Variants in LRP2BP observed in about 807,000 individuals in gnomAD.
The protein encoded by LRP2BP is LRP2 binding protein.
Under a neutral mutation model 45.2 loss-of-function variants are expected in LRP2BP, and 38 were observed. That is an observed-to-expected ratio of 0.84 (90% CI 0.65 to 1.10). LRP2BP has a LOEUF of 1.10. LRP2BP is among the 50% of genes least tolerant of loss of function. The pLI is 0.00. For synonymous variants in LRP2BP, 153 were observed against 153.9 expected (o/e 0.99, Z 0.04); for missense variants, 385 against 418.9 (o/e 0.92, Z 0.71).
At chr4:185,377,824 C>T (rs1464385691) in intron 2 of LRP2BP, 2 of 355,768 alleles carry the variant, frequency 5.6e-6, no homozygotes, top group East Asian at 1.0e-4. Context: ...GTGACATCTG[C>T]TTTCTGTTTT....
intron 1 of LRP2BP, among the ~76,000 whole-genome samples, chr4:185,383,560 T>C (rs1194977285): frequency 6.6e-6 from 1 of 152,236 alleles, no homozygotes; most frequent in Non-Finnish European, 1.5e-5. Context: ...AGAAAACAGT[T>C]ACCACGGCAG....
At chr4:185,375,487 A>AAAAAAAAAAAT (rs1554018308) in intron 4 of LRP2BP, 126 bp downstream of exon 4, 1 of 12,016 alleles carries the variant, frequency 8.3e-5, no homozygotes, top group East Asian at 2.6e-3. Flanking sequence ...AAAAAAAAAA[A>AAAAAAAAAAAT]ATATATATAT....
intron 1 of LRP2BP, among the ~76,000 whole-genome samples, chr4:185,392,302 T>G (rs907992598): frequency 6.6e-6 from 1 of 152,244 alleles, no homozygotes; most frequent in African/African-American, 2.4e-5. Flanking sequence ...TGGACCCTTC[T>G]GATTACAGGC....
At chr4:185,387,361 A>G (rs941219526) in intron 1 of LRP2BP, among the ~76,000 whole-genome samples, 9 of 152,248 alleles carry the variant, frequency 5.9e-5, no homozygotes, top group African/African-American at 2.2e-4. Flanking sequence ...ATGCCACACA[A>G]TGTACAAATA....
rs1334520332 is a variant in LRP2BP, at chr4:185,395,439, T to C, written c.-682A>G. The C allele has an allele frequency of 2.6e-5, 26 of 985,358 alleles. No individual in the cohort carries two copies. The highest frequency in any genetic ancestry group is 3.1e-5 in the Non-Finnish European group (26 of 829,940). The allele number at this position is 985,358 out of a possible 1,614,324, so 61.0% of individuals were successfully genotyped here. A position where few individuals can be genotyped will look rare whatever the true frequency, so the allele number is the denominator to read the frequency against. ...CACGTGTTTTAAAAAGCAGTGCTTA[T>C]TGAATTGATAAACAAAAGCGAAACT... On this transcript the variant is annotated 5_prime_UTR_variant, in exon 1 of 9. Transcript: ENST00000505916.
chr4:185,381,643 A>G (rs1323177145), intron 1 of LRP2BP, among the ~76,000 whole-genome samples: 1 of 152,136 alleles, frequency 6.6e-6, no homozygotes, highest in Non-Finnish European at 1.5e-5. Flanking sequence ...CCTAGTAAAA[A>G]GTTTTTAGTT....
Position 185,373,021 on chromosome 4 carries a change from A to G in LRP2BP, c.638T>C (p.Leu213Pro). The change falls in exon 7 of 9, where the codon CTT becomes CCT. Residue 213 changes from leucine to proline, a missense_variant. By Grantham distance (98) the Leu-to-Pro change is moderately conservative. Coordinates refer to ENST00000505916, the MANE Select transcript of LRP2BP (RefSeq NM_001377440.1). The stretch of plus-strand genomic sequence containing the variant: ...TTGTCCATACAAGTACATGAGCCCA[A>G]GTGCACCCTGGGACTCCAGATTCCC... ...GNGNLESQGALGLMYLYGQGI... is the reference protein window; with the variant it reads ...GNGNLESQGAPGLMYLYGQGI... 4 of 1,613,328 alleles carry G rather than the reference A, an allele frequency of 2.5e-6. No homozygotes were observed. Among genetic ancestry groups the G allele is most frequent in the Non-Finnish European group, 3.4e-6 (4 of 1,179,280 alleles).
At chr4:185,382,693 T>C (rs2095459031) in intron 1 of LRP2BP, among the ~76,000 whole-genome samples, 1 of 152,228 alleles carries the variant, frequency 6.6e-6, no homozygotes, top group Non-Finnish European at 1.5e-5. Context: ...CATTTTCCAG[T>C]TGGGTTATAA....
chr4:185,374,571 A>G, intron 4 of LRP2BP, 110 bp from the exon 5 acceptor site: 3 of 1,163,648 alleles, frequency 2.6e-6, no homozygotes, highest in Admixed American at 4.7e-5. Flanking sequence ...GATGTATAAT[A>G]CTATGAATCT....
chr4:185,392,840 A>G (rs2095491767), intron 1 of LRP2BP, among the ~76,000 whole-genome samples: 2 of 152,230 alleles, frequency 1.3e-5, no homozygotes, highest in African/African-American at 2.4e-5. Context: ...ATATTCAGAA[A>G]TGCTTGATGC....
rs2095379113 is a variant in LRP2BP, at chr4:185,364,313, C to T, written c.*2867G>A. 1 of 152,094 alleles carries T rather than the reference C, an allele frequency of 6.6e-6. No homozygotes were observed. The highest frequency in any genetic ancestry group is 6.6e-5 in the Admixed American group (1 of 15,260). The allele number at this position is 152,094 out of a possible 1,614,324, so 9.4% of individuals were successfully genotyped here. On this transcript the variant is annotated 3_prime_UTR_variant, in exon 9 of 9. Coordinates refer to ENST00000505916, the MANE Select transcript of LRP2BP (RefSeq NM_001377440.1). ...TATCAAGCCGTTTAGACCACAGGGA[C>T]ATTAGGGGAGATCCAGAGTACAGAC...
intron 1 of LRP2BP, among the ~76,000 whole-genome samples, chr4:185,388,646 A>G (rs1171651164): frequency 2.6e-5 from 4 of 152,202 alleles, no homozygotes; most frequent in Non-Finnish European, 5.9e-5. Flanking sequence ...CAAATGATAA[A>G]TTATACAGAA....
intron 1 of LRP2BP, among the ~76,000 whole-genome samples, chr4:185,385,905 A>AAG (rs1554020214): frequency 2.9e-5 from 1 of 34,894 alleles, no homozygotes; most frequent in Non-Finnish European, 6.6e-5. Context: ...TGTCTCGGGG[A>AAG]GGGGGGGGGG....
At chr4:185,383,943 TTTG>T (rs1420438839) in intron 1 of LRP2BP, among the ~76,000 whole-genome samples, 1 of 152,232 alleles carries the variant, frequency 6.6e-6, no homozygotes, top group African/African-American at 2.4e-5. Context: ...CACCTGTGCC[TTTG>T]TTGTTGTTGC....
intron 3 of LRP2BP, 53 bp downstream of exon 3, chr4:185,376,856 G>T (rs2095439784): frequency 6.1e-6 from 8 of 1,308,890 alleles, no homozygotes; most frequent in Non-Finnish European, 6.6e-6. Context: ...TTTTGTCTGA[G>T]GATCTAACAA....
upstream of LRP2BP, chr4:185,395,936 C>G: frequency 1.0e-6 from 1 of 983,102 alleles, no homozygotes; most frequent in Non-Finnish European, 1.2e-6. Flanking sequence ...GGGAGCAGCT[C>G]TGACGTCAGT....
At position 185,373,505 on chromosome 4, in the gene LRP2BP, A is replaced by G. The variant is rs28464581; in HGVS notation, c.580-426T>C. On this transcript the variant is annotated intron_variant, in intron 6 of 8. Transcript: ENST00000505916. ...GATAGCAGCTGCTGCGATCAAAGACAACCCAGGATAAACGCTGTATGTAGG... is the reference window on the plus strand; with the variant it reads ...GATAGCAGCTGCTGCGATCAAAGACGACCCAGGATAAACGCTGTATGTAGG... Among the ~76,000 whole-genome samples, 744 of 152,306 alleles carry G rather than the reference A, an allele frequency of 4.9e-3. 3 individuals are homozygous for G. The highest frequency in any genetic ancestry group is 0.017 in the African/African-American group (711 of 41,568).
intron 3 of LRP2BP, 58 bp downstream of exon 3, chr4:185,376,851 T>G (rs2095439777): frequency 8.1e-7 from 1 of 1,233,114 alleles, no homozygotes; most frequent in Admixed American, 1.8e-5. Context: ...GAAATTTTTG[T>G]CTGAGGATCT....
intron 1 of LRP2BP, among the ~76,000 whole-genome samples, chr4:185,385,075 C>T (rs970481950): frequency 1.3e-5 from 2 of 152,054 alleles, no homozygotes; most frequent in African/African-American, 2.4e-5. Flanking sequence ...GTGGCAAGCA[C>T]GGGATGAAAG....
Sources: allele counts gnomAD v4.1 joint callset (sites outside exome capture counted in the v4.1 genomes callset), GRCh38; gene constraint gnomAD v4.1.1; transcripts MANE v1.5; gene names NCBI Gene and HGNC (gene_info 2026-07-23, HGNC 2026-07-21).